The following GFOD1 variants were observed in gnomAD, a reference collection of about 807,000 sequenced individuals.
GFOD1 encodes glucose-fructose oxidoreductase domain-containing protein 1.
In GFOD1, 9 loss-of-function variants were observed where a neutral mutation model predicts 25.4. The ratio of observed to expected loss-of-function variants is 0.35; its 90% CI spans 0.21 to 0.62. The LOEUF is 0.62. GFOD1 is among the 20% of genes least tolerant of loss of function. The probability of loss-of-function intolerance (pLI) is 0.72; values close to 1 mark genes in which losing one functional copy is unlikely to be tolerated. For missense variants in GFOD1, 403 were observed against 556.9 expected (o/e 0.72, Z 2.78); for synonymous variants, 253 against 245.6 (o/e 1.03, Z -0.28).
At chr6:13,436,849 G>A (rs1029833879) in intron 1 of GFOD1, among the ~76,000 whole-genome samples, 5 of 152,326 alleles carry the variant, frequency 3.3e-5, no homozygotes, top group South Asian at 2.1e-4. Flanking sequence ...TGGCTAGCCT[G>A]AGAAATATGA....
At chr6:13,433,262 T>G (rs1203355374) in intron 1 of GFOD1, among the ~76,000 whole-genome samples, 1 of 151,990 alleles carries the variant, frequency 6.6e-6, no homozygotes, top group Non-Finnish European at 1.5e-5. Context: ...TGGGATTACA[T>G]GCACCTGCCA....
chr6:13,444,388 CA>C (rs112422613), intron 1 of GFOD1, among the ~76,000 whole-genome samples: 3,315 of 120,812 alleles, frequency 0.027, 68 homozygotes, highest in African/African-American at 0.078. Context: ...GGGAGAGAAG[CA>C]AAAAAAAAAA....
chr6:13,469,125 G>T (rs920085157), intron 1 of GFOD1: 30 of 381,270 alleles, frequency 7.9e-5, no homozygotes, highest in Non-Finnish European at 1.0e-4. Flanking sequence ...GTAGGAGAGG[G>T]AGTTGGCCTG....
intron 1 of GFOD1, among the ~76,000 whole-genome samples, chr6:13,470,851 A>C (rs911348664): frequency 1.3e-5 from 2 of 152,046 alleles, no homozygotes; most frequent in Non-Finnish European, 2.9e-5. Flanking sequence ...ACAAATGCAC[A>C]CTTACCTCTC....
rs189829094 is a variant in GFOD1, at chr6:13,367,104, A to G, written c.254-1442T>C. ...AAATGTTTGATATGTTGTATTTTAT[A>G]TTTAAAATATCATTTTTAGTAAAAG... On this transcript the variant is annotated intron_variant, in intron 1 of 1. Coordinates refer to ENST00000379287, the MANE Select transcript of GFOD1 (RefSeq NM_018988.4). Among the ~76,000 whole-genome samples the G allele has an allele frequency of 1.6e-4, 24 of 152,202 alleles. 1 individual carries two copies. The highest frequency in any genetic ancestry group is 5.5e-4 in the African/African-American group (23 of 41,548).
At chr6:13,375,732 A>G (rs896611259) in intron 1 of GFOD1, among the ~76,000 whole-genome samples, 1 of 152,140 alleles carries the variant, frequency 6.6e-6, no homozygotes, top group Admixed American at 6.5e-5. Flanking sequence ...ACCGTCCCCC[A>G]TGACTCAAGC....
chr6:13,464,976 G>C (rs1038160174), intron 1 of GFOD1, among the ~76,000 whole-genome samples: 2 of 151,568 alleles, frequency 1.3e-5, no homozygotes. Flanking sequence ...GTCATTCAAG[G>C]CTCTCTGAAA....
chr6:13,376,208 C>G (rs917926497), intron 1 of GFOD1, among the ~76,000 whole-genome samples: 2 of 152,084 alleles, frequency 1.3e-5, no homozygotes, highest in Non-Finnish European at 2.9e-5. Context: ...GGAGGTGGGA[C>G]GGGGGCAAGA....
intron 1 of GFOD1, among the ~76,000 whole-genome samples, chr6:13,386,883 A>G (rs989244908): frequency 6.6e-6 from 1 of 152,184 alleles, no homozygotes; most frequent in African/African-American, 2.4e-5. Flanking sequence ...TGTGCCATGC[A>G]TTAAAAACAG....
chr6:13,390,046 A>G (rs1481072738), intron 1 of GFOD1, among the ~76,000 whole-genome samples: 1 of 152,002 alleles, frequency 6.6e-6, no homozygotes, highest in Non-Finnish European at 1.5e-5. Flanking sequence ...CTCTTCTCCA[A>G]GGTCCAACTT....
In GFOD1 at chr6:13,483,617, T is replaced by C. The variant is rs1758803507; in HGVS notation, c.253+3021A>G. ...AGAAACTACGAAAGGACCTGACTTC[T>C]ATGGGGAACAGACACAGAGAGTTTC... is the stretch of plus-strand genomic sequence containing the variant. On this transcript the variant is annotated intron_variant, in intron 1 of 1. Coordinates refer to ENST00000379287, the MANE Select transcript of GFOD1 (RefSeq NM_018988.4). 2.0e-5 allele frequency among the ~76,000 whole-genome samples: 3 copies of C among 152,144 alleles called. No homozygotes were observed. In the South Asian group the frequency reaches 6.2e-4, roughly 32 times the overall value.
intron 1 of GFOD1, among the ~76,000 whole-genome samples, chr6:13,475,874 A>G (rs1584674757): frequency 6.6e-6 from 1 of 152,046 alleles, no homozygotes; most frequent in African/African-American, 2.4e-5. Context: ...CAGGGAGTTG[A>G]GATCATGCCA....
rs1784965025 is a variant in GFOD1 at position 13,362,624 on chromosome 6, G to A, written c.*2119C>T. 6.6e-6 allele frequency: 1 copy of A among 152,260 alleles called. No individual in the cohort carries two copies. Among genetic ancestry groups the A allele is most frequent in the Admixed American group, 6.5e-5 (1 of 15,288 alleles). 9.4% of individuals were successfully genotyped at this position (152,260 alleles called of 1,614,324 possible). ...TGACCATGAAGTCTGTCAGCAACAG[G>A]TCAGGGACCACAACAAACCACGCAT... On this transcript the variant is annotated 3_prime_UTR_variant, in exon 2 of 2. Coordinates refer to ENST00000379287, the MANE Select transcript of GFOD1 (RefSeq NM_018988.4).
chr6:13,455,614 C>T (rs964231627), intron 1 of GFOD1, among the ~76,000 whole-genome samples: 1 of 152,208 alleles, frequency 6.6e-6, no homozygotes, highest in Non-Finnish European at 1.5e-5. Context: ...TGCCTGTCAG[C>T]AGCACCCCAC....
At position 13,360,653 on chromosome 6, in the gene GFOD1, G is replaced by A; in HGVS notation, c.*4090C>T. ...AAGGCTGAGTGATATTTCCATTTTG[G>A]AATGGGAAGAAACACTGGCTACTTC... On this transcript the variant is annotated 3_prime_UTR_variant, in exon 2 of 2. Transcript: ENST00000379287. 2.2e-6 allele frequency: 1 copy of A among 446,886 alleles called. No homozygotes were observed. The highest frequency in any genetic ancestry group is 4.6e-6 in the Non-Finnish European group (1 of 218,928). 27.7% of individuals were successfully genotyped at this position (446,886 alleles called of 1,614,324 possible).
chr6:13,358,137 TTAA>T lies in GFOD1; in HGVS notation c.*6603_*6605del, dbSNP rs1160826202. 1 of 152,172 alleles carries T rather than the reference TTAA, an allele frequency of 6.6e-6. No homozygotes were observed. Among genetic ancestry groups the T allele is most frequent in the African/African-American group, 2.4e-5 (1 of 41,452 alleles). The allele number at this position is 152,172 out of a possible 1,614,324, so 9.4% of individuals were successfully genotyped here. ...TCTTTTTTTTTCTTCTTTTTTTCCT[TTAA>T]TAATAAAAAAGAAAACCAAAACCTC... On this transcript the variant is annotated 3_prime_UTR_variant, in exon 2 of 2. Coordinates refer to ENST00000379287, the MANE Select transcript of GFOD1 (RefSeq NM_018988.4).
chr6:13,477,512 T>C (rs1211424750), intron 1 of GFOD1, among the ~76,000 whole-genome samples: 1 of 152,070 alleles, frequency 6.6e-6, no homozygotes, highest in Non-Finnish European at 1.5e-5. Flanking sequence ...TGTGACCTGC[T>C]GCACACACTA....
chr6:13,482,796 T>C (rs116236885), intron 1 of GFOD1, among the ~76,000 whole-genome samples: 2,545 of 152,198 alleles, frequency 0.017, 54 homozygotes, highest in African/African-American at 0.058. Flanking sequence ...CCCATACATA[T>C]ACTTGCCAGG....
At chr6:13,442,537 T>C (rs1319388591) in intron 1 of GFOD1, among the ~76,000 whole-genome samples, 3 of 152,238 alleles carry the variant, frequency 2.0e-5, no homozygotes, top group African/African-American at 7.2e-5. Flanking sequence ...GAGAAGTCAA[T>C]GCCTGGCTTC....
Sources: gnomAD v4.1 joint callset for allele counts (sites outside exome capture counted in the v4.1 genomes callset) on GRCh38, gnomAD v4.1.1 for gene constraint, MANE v1.5 for transcripts, NCBI Gene and HGNC (gene_info 2026-07-23, HGNC 2026-07-21) for gene names.